ANKS1B: variants seen among roughly 807,000 people sequenced by gnomAD.
ANKS1B encodes ankyrin repeat and sterile alpha motif domain-containing protein 1B.
Under a neutral mutation model 148.3 loss-of-function variants are expected in ANKS1B, and 36 were observed. The ratio of observed to expected loss-of-function variants is 0.24; its 90% CI spans 0.19 to 0.32. The LOEUF (loss-of-function observed/expected upper bound fraction) is 0.32. ANKS1B is among the 10% of genes least tolerant of loss of function. ANKS1B has a pLI of 1.00. For synonymous variants in ANKS1B, 542 were observed against 560.8 expected (o/e 0.97, Z 0.47); for missense variants, 1,157 against 1,542.6 (o/e 0.75, Z 4.19).
intron 9 of ANKS1B, among the ~76,000 whole-genome samples, chr12:99,580,222 G>T (rs1031085420): frequency 1.3e-5 from 2 of 152,046 alleles, no homozygotes; most frequent in East Asian, 3.9e-4. Flanking sequence ...GACTGTGAGG[G>T]TTGAAAAATT....
intron 17 of ANKS1B, among the ~76,000 whole-genome samples, chr12:98,866,600 C>T (rs775001041): frequency 7.2e-5 from 11 of 152,228 alleles, no homozygotes; most frequent in Non-Finnish European, 1.3e-4. Flanking sequence ...ATAAGATTCT[C>T]TAAATGCACC....
intron 4 of ANKS1B, among the ~76,000 whole-genome samples, chr12:99,798,335 G>GA (rs2066493387): frequency 7.1e-6 from 1 of 141,546 alleles, no homozygotes; most frequent in African/African-American, 2.6e-5. Context: ...TGGAGATGAA[G>GA]AAAAAACAAC....
intron 20 of ANKS1B, among the ~76,000 whole-genome samples, chr12:98,804,914 C>A (rs115000256): frequency 0.041 from 6,270 of 152,054 alleles, 241 homozygotes; most frequent in African/African-American, 0.099. Context: ...AAATAACAGA[C>A]CTAAGAAGTC....
intron 12 of ANKS1B, among the ~76,000 whole-genome samples, chr12:99,393,039 C>T (rs1031526394): frequency 6.6e-6 from 1 of 152,086 alleles, no homozygotes; most frequent in African/African-American, 2.4e-5. Flanking sequence ...TTATATCCTA[C>T]CTCCAATTCA....
rs559327776 is a variant in ANKS1B, at chr12:99,173,229, T to A, written c.2420-18834A>T. 6.6e-5 allele frequency among the ~76,000 whole-genome samples: 10 copies of A among 152,314 alleles called. No individual in the cohort carries two copies. In the South Asian group the frequency reaches 2.1e-3, roughly 32 times the overall value. On this transcript the variant is annotated intron_variant, in intron 14 of 26. Coordinates refer to ENST00000683438, the MANE Select transcript of ANKS1B (RefSeq NM_001352186.2). Reference sequence around the variant, plus strand: ...AAATACCTTCTGTGATGGATGCTTATTTACCTTCTTGATAAAGTCAACTGG... The same window carrying A: ...AAATACCTTCTGTGATGGATGCTTAATTACCTTCTTGATAAAGTCAACTGG...
chr12:99,808,677 T>C (rs75582035), intron 3 of ANKS1B, among the ~76,000 whole-genome samples: 3 of 152,240 alleles, frequency 2.0e-5, no homozygotes, highest in African/African-American at 7.2e-5. Flanking sequence ...CTTCACACCA[T>C]GAAAACATTA....
At chr12:99,134,643 TCTCACACACACACACACACACA>T (rs1336467406) in intron 15 of ANKS1B, among the ~76,000 whole-genome samples, 1 of 83,086 alleles carries the variant, frequency 1.2e-5, no homozygotes, top group Non-Finnish European at 2.3e-5. Flanking sequence ...TCTCTCTCTC[TCTCACACACACACACACACACA>T]CACACACACA....
At chr12:99,673,151 T>A (rs2098546374) in intron 8 of ANKS1B, among the ~76,000 whole-genome samples, 1 of 151,804 alleles carries the variant, frequency 6.6e-6, no homozygotes, top group Non-Finnish European at 1.5e-5. Context: ...ACAAACGAAA[T>A]AATCAAAAAT....
At chr12:99,431,058 T>A (rs568971583) in intron 11 of ANKS1B, among the ~76,000 whole-genome samples, 1 of 152,344 alleles carries the variant, frequency 6.6e-6, no homozygotes, top group East Asian at 1.9e-4. Flanking sequence ...TAATACTCAC[T>A]TATTGAATTG....
At chr12:99,344,383 C>T (rs2090367663) in intron 12 of ANKS1B, among the ~76,000 whole-genome samples, 1 of 151,984 alleles carries the variant, frequency 6.6e-6, no homozygotes, top group Non-Finnish European at 1.5e-5. Context: ...GCTATTGTAT[C>T]ATAATTGTTT....
chr12:99,673,943 A>G (rs1412084837), intron 8 of ANKS1B, among the ~76,000 whole-genome samples: 2 of 151,772 alleles, frequency 1.3e-5, no homozygotes, highest in Non-Finnish European at 3.0e-5. Flanking sequence ...AGATTAATAT[A>G]AAAATCAACA....
intron 8 of ANKS1B, among the ~76,000 whole-genome samples, chr12:99,769,134 A>T (rs1232223197): frequency 2.0e-5 from 3 of 151,982 alleles, no homozygotes; most frequent in Non-Finnish European, 4.4e-5. Flanking sequence ...GGACATTAAG[A>T]TTTACGAGAT....
intron 15 of ANKS1B, among the ~76,000 whole-genome samples, chr12:99,137,263 A>C (rs1413387524): frequency 6.6e-6 from 1 of 152,172 alleles, no homozygotes; most frequent in Non-Finnish European, 1.5e-5. Flanking sequence ...GATCTTTGAC[A>C]CCAGAAGTCA....
intron 10 of ANKS1B, among the ~76,000 whole-genome samples, chr12:99,459,541 G>A (rs1328054061): frequency 6.6e-6 from 1 of 151,984 alleles, no homozygotes; most frequent in Non-Finnish European, 1.5e-5. Flanking sequence ...TCCTAGAACT[G>A]GTAAATGAAT....
intron 15 of ANKS1B, among the ~76,000 whole-genome samples, chr12:99,099,190 C>T (rs1372482354): frequency 1.3e-5 from 2 of 152,180 alleles, no homozygotes; most frequent in African/African-American, 2.4e-5. Flanking sequence ...ACCTTGGGGC[C>T]GAGCATGGCA....
intron 9 of ANKS1B, among the ~76,000 whole-genome samples, chr12:99,596,548 T>A (rs2097760080): frequency 6.6e-6 from 1 of 151,940 alleles, no homozygotes; most frequent in Non-Finnish European, 1.5e-5. Flanking sequence ...AATTTTGACC[T>A]AGTATGGGGG....
chr12:99,157,316 T>C (rs1277565723), intron 14 of ANKS1B, among the ~76,000 whole-genome samples: 1 of 152,198 alleles, frequency 6.6e-6, no homozygotes, highest in African/African-American at 2.4e-5. Context: ...TCATTTTGAA[T>C]TATAAATAGT....
At chr12:99,709,156 A>G (rs960999) in intron 8 of ANKS1B, among the ~76,000 whole-genome samples, 32,671 of 152,082 alleles carry the variant, frequency 0.21, 3,695 homozygotes, top group Middle Eastern at 0.25. Flanking sequence ...GCACGCACAC[A>G]TGCACACATA....
At chr12:99,958,201 G>C (rs1194355074) in intron 1 of ANKS1B, among the ~76,000 whole-genome samples, 3 of 152,156 alleles carry the variant, frequency 2.0e-5, no homozygotes, top group South Asian at 4.1e-4. Context: ...ACAGTGGAAA[G>C]TCCATGATGC....
Sources: allele counts gnomAD v4.1 joint callset (sites outside exome capture counted in the v4.1 genomes callset), GRCh38; gene constraint gnomAD v4.1.1; transcripts MANE v1.5; gene names NCBI Gene and HGNC (gene_info 2026-07-23, HGNC 2026-07-21).